Variants in METTL8 observed in about 807,000 individuals in gnomAD.
METTL8 encodes the protein tRNA N(3)-cytidine methyltransferase METTL8, mitochondrial.
METTL8 carries 32 observed loss-of-function variants against 48.7 expected under a neutral mutation model. That is an observed-to-expected ratio of 0.66 (90% CI 0.50 to 0.88). The LOEUF is 0.88. Ranked by LOEUF, METTL8 falls within the 40% of genes least tolerant of loss-of-function variation. METTL8 has a pLI of 0.00. For missense variants in METTL8, 464 were observed against 474.4 expected (o/e 0.98, Z 0.20); for synonymous variants, 136 against 157.1 (o/e 0.87, Z 1.01).
intron 1 of METTL8, among the ~76,000 whole-genome samples, chr2:171,401,519 T>A (rs1198365055): frequency 6.6e-6 from 1 of 152,158 alleles, no homozygotes; most frequent in Non-Finnish European, 1.5e-5. Flanking sequence ...AATTTCATGC[T>A]TAGCGTTTGT....
chr2:171,368,251 A>C (rs1025938900), intron 2 of METTL8, among the ~76,000 whole-genome samples: 5 of 152,242 alleles, frequency 3.3e-5, no homozygotes, highest in Non-Finnish European at 7.3e-5. Context: ...TTCTTACTGA[A>C]GTACAATGGA....
chr2:171,333,449 T>C (rs975765240), intron 5 of METTL8, among the ~76,000 whole-genome samples: 1 of 152,216 alleles, frequency 6.6e-6, no homozygotes, highest in Non-Finnish European at 1.5e-5. Context: ...TGATAACATA[T>C]AATTCACTCA....
At chr2:171,421,940 C>T (rs144294488) in intron 1 of METTL8, among the ~76,000 whole-genome samples, 96 of 152,228 alleles carry the variant, frequency 6.3e-4, no homozygotes, top group African/African-American at 2.1e-3. Flanking sequence ...AGATTTAATG[C>T]CATCCCAATC....
chr2:171,334,313 A>G (rs1399700828), intron 5 of METTL8, among the ~76,000 whole-genome samples: 2 of 152,116 alleles, frequency 1.3e-5, no homozygotes, highest in East Asian at 3.9e-4. Context: ...TGGAATTCCC[A>G]CTGTATCAGC....
chr2:171,337,252 G>A (rs1013493399), intron 5 of METTL8, among the ~76,000 whole-genome samples: 4 of 152,082 alleles, frequency 2.6e-5, no homozygotes, highest in African/African-American at 7.2e-5. Flanking sequence ...CCATGGCTAC[G>A]AAACACTATT....
chr2:171,421,487 A>G (rs1426173559), intron 1 of METTL8, among the ~76,000 whole-genome samples: 1 of 152,004 alleles, frequency 6.6e-6, no homozygotes, highest in African/African-American at 2.4e-5. Flanking sequence ...ACACACACAC[A>G]CACACACACA....
At chr2:171,384,384 C>T (rs1687850478) in intron 2 of METTL8, among the ~76,000 whole-genome samples, 1 of 152,082 alleles carries the variant, frequency 6.6e-6, no homozygotes, top group Admixed American at 6.6e-5. Context: ...GTGACACACG[C>T]CTGTAGTACC....
chr2:171,421,135 A>G (rs1691829072), intron 1 of METTL8, among the ~76,000 whole-genome samples: 2 of 152,244 alleles, frequency 1.3e-5, no homozygotes, highest in Non-Finnish European at 2.9e-5. Context: ...TTATCTACAC[A>G]GAAAAAATCC....
Position 171,316,220 on chromosome 2 carries a change from G to A in METTL8, c.*7952C>T, listed in dbSNP as rs1684257041. Reference sequence around the variant, plus strand: ...AGCTTGCTTATCCAGGGAATGAGCAGGACTTAATTCTCATGCCGGCATGGG... The same window carrying A: ...AGCTTGCTTATCCAGGGAATGAGCAAGACTTAATTCTCATGCCGGCATGGG... On this transcript the variant is annotated 3_prime_UTR_variant, in exon 10 of 10. Coordinates refer to ENST00000375258, the MANE Select transcript of METTL8 (RefSeq NM_001321154.2). Among the ~76,000 whole-genome samples the A allele has an allele frequency of 6.6e-6, 1 of 152,216 alleles. No homozygotes were observed.
At chr2:171,427,153 C>T (rs189969073) in intron 1 of METTL8, among the ~76,000 whole-genome samples, 1 of 151,950 alleles carries the variant, frequency 6.6e-6, no homozygotes, top group African/African-American at 2.4e-5. Context: ...TTTTCTTTTC[C>T]TCATCCTTAA....
intron 2 of METTL8, among the ~76,000 whole-genome samples, chr2:171,373,242 G>A (rs182202990): frequency 2.6e-5 from 4 of 152,346 alleles, no homozygotes; most frequent in African/African-American, 9.6e-5. Flanking sequence ...CAGTGATGAT[G>A]AGCATTTTTT....
In METTL8 at chr2:171,316,942, C is replaced by T. The variant is rs527980439; in HGVS notation, c.*7230G>A. Reference sequence around the variant, plus strand: ...CAACTAAAGATGTAAGGAGAGCGATCGCATTCTTTACGCCAAGCATTCTGT... The same window carrying T: ...CAACTAAAGATGTAAGGAGAGCGATTGCATTCTTTACGCCAAGCATTCTGT... On this transcript the variant is annotated 3_prime_UTR_variant, in exon 10 of 10. Coordinates refer to ENST00000375258, the MANE Select transcript of METTL8 (RefSeq NM_001321154.2). 5.0e-4 allele frequency among the ~76,000 whole-genome samples: 76 copies of T among 152,252 alleles called. No individual in the cohort carries two copies. Among genetic ancestry groups the T allele is most frequent in the African/African-American group, 1.7e-3 (70 of 41,542 alleles).
chr2:171,347,178 T>G (rs1683356711), intron 3 of METTL8, among the ~76,000 whole-genome samples: 1 of 152,226 alleles, frequency 6.6e-6, no homozygotes, highest in Non-Finnish European at 1.5e-5. Context: ...TTTTTTGTTC[T>G]GTGTCTCTGC....
At chr2:171,381,700 T>C (rs927188787) in intron 2 of METTL8, among the ~76,000 whole-genome samples, 6 of 151,542 alleles carry the variant, frequency 4.0e-5, no homozygotes, top group African/African-American at 2.4e-5. Context: ...CATGATGAGA[T>C]ATCATCTCAC....
intron 2 of METTL8, among the ~76,000 whole-genome samples, chr2:171,361,084 A>G (rs1444474474): frequency 6.6e-6 from 1 of 152,170 alleles, no homozygotes; most frequent in Non-Finnish European, 1.5e-5. Context: ...TGAAAAGGTC[A>G]CCTTTCTAAG....
chr2:171,333,861 T>TA (rs1224810003), intron 5 of METTL8, among the ~76,000 whole-genome samples: 2 of 152,162 alleles, frequency 1.3e-5, no homozygotes, highest in East Asian at 1.9e-4. Context: ...CCCTCATCTT[T>TA]AAAAAAAGAG....
chr2:171,432,123 G>A (rs544846100), intron 1 of METTL8, among the ~76,000 whole-genome samples: 8 of 152,334 alleles, frequency 5.3e-5, no homozygotes, highest in African/African-American at 1.2e-4. Context: ...GCCAGGAGTG[G>A]CCCAGTGGGC....
intron 2 of METTL8, among the ~76,000 whole-genome samples, chr2:171,372,100 A>AC (rs1395359578): frequency 6.6e-6 from 1 of 152,032 alleles, no homozygotes; most frequent in Non-Finnish European, 1.5e-5. Context: ...ACCAATACCC[A>AC]CCTGCCTCAT....
At chr2:171,401,559 A>G (rs1475712912) in intron 1 of METTL8, among the ~76,000 whole-genome samples, 3 of 152,170 alleles carry the variant, frequency 2.0e-5, no homozygotes, top group South Asian at 2.1e-4. Flanking sequence ...TGGTGGCTAC[A>G]TGATACACTC....
Sources: allele counts gnomAD v4.1 joint callset (sites outside exome capture counted in the v4.1 genomes callset), GRCh38; gene constraint gnomAD v4.1.1; transcripts MANE v1.5; gene names NCBI Gene and HGNC (gene_info 2026-07-23, HGNC 2026-07-21).